RXYLT1: variants seen among roughly 807,000 people sequenced by gnomAD.
RXYLT1 encodes ribitol xylosyltransferase 1.
A neutral mutation model predicts 43.5 loss-of-function variants in RXYLT1; 41 were observed. The observed-to-expected ratio is 0.94, with a 90% CI of 0.73 to 1.22. RXYLT1 has a LOEUF of 1.22. Ranked by LOEUF, RXYLT1 falls within the 50% of genes most tolerant of loss-of-function variation. The pLI is 0.00. For synonymous variants in RXYLT1, 166 were observed against 194.4 expected (o/e 0.85, Z 1.21); for missense variants, 514 against 532.0 (o/e 0.97, Z 0.33).
At position 63,809,121 on chromosome 12, in the gene RXYLT1, T is replaced by A; in HGVS notation, c.*29T>A. The A allele has an allele frequency of 7.1e-7, 1 of 1,418,274 alleles. No homozygotes were observed. Among genetic ancestry groups the A allele is most frequent in the Non-Finnish European group, 9.5e-7 (1 of 1,052,698 alleles). 87.9% of individuals were successfully genotyped at this position (1,418,274 alleles called of 1,614,324 possible). Reference sequence around the variant, plus strand: ...TCTTTTTGAGCTAACATGTGATTTTTAAAATCATTTTGACTACTGGGTGTA... The same window carrying A: ...TCTTTTTGAGCTAACATGTGATTTTAAAAATCATTTTGACTACTGGGTGTA... On this transcript the variant is annotated 3_prime_UTR_variant, in exon 6 of 6. Coordinates refer to ENST00000261234, the MANE Select transcript of RXYLT1 (RefSeq NM_014254.3).
chr12:63,793,682 G>A (rs532208638), intron 3 of RXYLT1, among the ~76,000 whole-genome samples: 6 of 152,208 alleles, frequency 3.9e-5, no homozygotes, highest in South Asian at 4.2e-4. Flanking sequence ...TAGTAGAAAT[G>A]GAGAGAAGTG....
At chr12:63,799,939 T>C (rs963278960) in intron 3 of RXYLT1, among the ~76,000 whole-genome samples, 1 of 152,176 alleles carries the variant, frequency 6.6e-6, no homozygotes, top group African/African-American at 2.4e-5. Flanking sequence ...TGTCTTAAAT[T>C]ACTAGGTTAT....
Position 63,785,039 on chromosome 12 carries a change from A to G in RXYLT1, c.395A>G (p.Glu132Gly). The change falls in exon 3 of 6, where the codon GAA (glutamate) becomes GGA (glycine). Residue 132 changes from glutamate (E) to glycine (G), a missense_variant. Transcript: ENST00000261234. ...DPSDVTAQWR[E>G]GKSIVGRTQY... ...AGCGATGTGACTGCTCAATGGAGAG[A>G]AGGAAAGTCAATCGTAGGAAGAACA... 6.2e-7 allele frequency: 1 copy of G among 1,613,876 alleles called. No individual in the cohort carries two copies. Among genetic ancestry groups the G allele is most frequent in the Non-Finnish European group, 8.5e-7 (1 of 1,179,786 alleles).
Position 63,784,922 on chromosome 12 carries a change from G to T in RXYLT1, c.326-48G>T, listed in dbSNP as rs754324635. 7.4e-6 allele frequency: 11 copies of T among 1,488,422 alleles called. No individual in the cohort carries two copies. The East Asian group carries it at 2.5e-4, about 34-fold the overall frequency. The allele number at this position is 1,488,422 out of a possible 1,614,324, so 92.2% of individuals were successfully genotyped here. A position where few individuals can be genotyped will look rare whatever the true frequency, so the allele number is the denominator to read the frequency against. On this transcript the variant is annotated intron_variant, in intron 2 of 5. Coordinates refer to ENST00000261234, the MANE Select transcript of RXYLT1 (RefSeq NM_014254.3). ...TAAACTTGTCTCATGCACTAAAGTA[G>T]ATGAGACAGTAAATTGTTTTGATTT...
intron 2 of RXYLT1, among the ~76,000 whole-genome samples, chr12:63,781,986 G>A (rs552755968): frequency 6.6e-6 from 1 of 152,280 alleles, no homozygotes; most frequent in African/African-American, 2.4e-5. Context: ...TAAATTTCAA[G>A]TACCTGAAAC....
intron 5 of RXYLT1, 36 bp from the exon 6 acceptor site, chr12:63,808,639 A>G (rs1279773874): frequency 1.3e-6 from 2 of 1,580,204 alleles, no homozygotes; most frequent in Non-Finnish European, 1.7e-6. Flanking sequence ...TATACTTAGT[A>G]AAGTGAAAAC....
chr12:63,780,152 C>T (rs1429537134), intron 1 of RXYLT1, 23 bp downstream of exon 1: 3 of 1,443,702 alleles, frequency 2.1e-6, no homozygotes, highest in Non-Finnish European at 2.7e-6. Flanking sequence ...CGGCGGCTTC[C>T]TTCCGGCTCT....
In RXYLT1 at chr12:63,809,131, T is replaced by C; in HGVS notation, c.*39T>C. 1 of 1,349,842 alleles carries C rather than the reference T, an allele frequency of 7.4e-7. No homozygotes were observed. The highest frequency in any genetic ancestry group is 1.0e-6 in the Non-Finnish European group (1 of 994,134). 83.6% of individuals were successfully genotyped at this position (1,349,842 alleles called of 1,614,324 possible). A position where few individuals can be genotyped will look rare whatever the true frequency, so the allele number is the denominator to read the frequency against. ...CTAACATGTGATTTTTAAAATCATT[T>C]TGACTACTGGGTGTATAAATGTGTT... On this transcript the variant is annotated 3_prime_UTR_variant, in exon 6 of 6. Transcript: ENST00000261234.
chr12:63,805,574 G>A, intron 5 of RXYLT1, 170 bp downstream of exon 5: 2 of 577,494 alleles, frequency 3.5e-6, no homozygotes, highest in Non-Finnish European at 5.5e-6. Flanking sequence ...TACACATTTA[G>A]AATAGAGAGA....
intron 3 of RXYLT1, among the ~76,000 whole-genome samples, chr12:63,787,263 C>T (rs528306037): frequency 1.9e-3 from 285 of 152,320 alleles, no homozygotes; most frequent in African/African-American, 6.6e-3. Context: ...ACCACTTTCT[C>T]TGCTCATTCA....
rs1430334601 is a variant in RXYLT1 at position 63,802,412 on chromosome 12, A to G, written c.743+7A>G. 1 of 1,547,940 alleles carries G rather than the reference A, an allele frequency of 6.5e-7. No homozygotes were observed. The highest frequency in any genetic ancestry group is 8.7e-7 in the Non-Finnish European group (1 of 1,147,906). On this transcript the variant is annotated splice_region_variant and intron_variant, in intron 4 of 5. Coordinates refer to ENST00000261234, the MANE Select transcript of RXYLT1 (RefSeq NM_014254.3). Reference sequence around the variant, plus strand: ...GGCCTTTAGGAGTAGCAACGTAAGTACAAAATATGATTAAACATTTTTAGG... The same window carrying G: ...GGCCTTTAGGAGTAGCAACGTAAGTGCAAAATATGATTAAACATTTTTAGG...
intron 3 of RXYLT1, among the ~76,000 whole-genome samples, chr12:63,799,957 T>A (rs1469866950): frequency 6.6e-6 from 1 of 152,328 alleles, no homozygotes; most frequent in South Asian, 2.1e-4. Context: ...TATCACTGAA[T>A]CATTAGTCAT....
chr12:63,780,086 C>G lies in RXYLT1; in HGVS notation c.126C>G (p.Gly42=), dbSNP rs760389276. The change falls in exon 1 of 6, where the codon GGC becomes GGG. Residue 42 remains glycine, a synonymous_variant. Coordinates refer to ENST00000261234, the MANE Select transcript of RXYLT1 (RefSeq NM_014254.3). ...AGGCGCCGGCCGGGTCCCCGCGGGG[C>G]CTCAGGAAGGGGGCGGCCCCCGCGC... ...RRQAPAGSPR[G]LRKGAAPARE... is the part of the protein sequence containing the mutation. The G allele has an allele frequency of 6.2e-5, 99 of 1,586,652 alleles. No homozygotes were observed. The highest frequency in any genetic ancestry group is 1.7e-4 in the Middle Eastern group (1 of 6,020).
intron 3 of RXYLT1, among the ~76,000 whole-genome samples, chr12:63,801,386 G>A (rs1898155597): frequency 6.6e-6 from 1 of 152,128 alleles, no homozygotes; most frequent in Non-Finnish European, 1.5e-5. Flanking sequence ...CCATAAAAGG[G>A]TTGAGAACTA....
intron 3 of RXYLT1, 95 bp from the exon 4 acceptor site, chr12:63,801,996 A>G: frequency 8.5e-7 from 1 of 1,175,036 alleles, no homozygotes. Context: ...ATTAAATCTC[A>G]TTGTAGATTT....
chr12:63,785,171 T>G (rs181362969), intron 3 of RXYLT1, 99 bp downstream of exon 3: 32 of 688,048 alleles, frequency 4.7e-5, no homozygotes, highest in Admixed American at 9.7e-5. Flanking sequence ...AATATATTTA[T>G]AAAAATACTT....
intron 4 of RXYLT1, chr12:63,804,952 G>A (rs1245820280): frequency 7.1e-6 from 2 of 281,764 alleles, no homozygotes. Context: ...ATGCCTAACA[G>A]CTGCAGATGA....
In RXYLT1 at chr12:63,802,182, A is replaced by G. The variant is rs780432386; in HGVS notation, c.520A>G (p.Ile174Val). 1.1e-5 allele frequency: 17 copies of G among 1,614,000 alleles called. No homozygotes were observed. Among genetic ancestry groups the G allele is most frequent in the Non-Finnish European group, 1.7e-6 (2 of 1,180,018 alleles). Residue 174 changes from isoleucine (I) to valine (V), a missense_variant, in exon 4 of 6, where the codon ATC (isoleucine) becomes GTC (valine). Coordinates refer to ENST00000261234, the MANE Select transcript of RXYLT1 (RefSeq NM_014254.3). ...LILNGREKAK[I>V]FYATQWLLYA... ...TTTAAATGGAAGAGAAAAAGCAAAG[A>G]TCTTTTATGCCACCCAGTGGTTACT...
intron 3 of RXYLT1, among the ~76,000 whole-genome samples, chr12:63,800,100 C>T (rs1408925684): frequency 6.6e-6 from 1 of 152,074 alleles, no homozygotes; most frequent in Non-Finnish European, 1.5e-5. Flanking sequence ...TATATTTTTA[C>T]GTTTTGTGCT....
Sources: gnomAD v4.1 joint callset for allele counts (sites outside exome capture counted in the v4.1 genomes callset) on GRCh38, gnomAD v4.1.1 for gene constraint, MANE v1.5 for transcripts, NCBI Gene and HGNC (gene_info 2026-07-23, HGNC 2026-07-21) for gene names.